The following GAK variants were observed in gnomAD, a reference collection of about 807,000 sequenced individuals.
GAK encodes cyclin-G-associated kinase.
GAK carries 79 observed loss-of-function variants against 143.9 expected under a neutral mutation model. The ratio of observed to expected loss-of-function variants is 0.55; its 90% CI spans 0.46 to 0.66. The LOEUF is 0.66. Ranked by LOEUF, GAK falls within the 30% of genes least tolerant of loss-of-function variation. The probability of loss-of-function intolerance (pLI) is 0.00; values close to 1 mark genes in which losing one functional copy is unlikely to be tolerated. For synonymous variants in GAK, 881 were observed against 765.5 expected (o/e 1.15, Z -2.49); for missense variants, 1,693 against 1,779.7 (o/e 0.95, Z 0.88).
At chr4:909,168 T>C (rs1721593893) in intron 4 of GAK, among the ~76,000 whole-genome samples, 1 of 152,260 alleles carries the variant, frequency 6.6e-6, no homozygotes, top group Non-Finnish European at 1.5e-5. Context: ...TATTTGTATT[T>C]TGTCAATCAG....
chr4:849,835 C>CG, intron 27 of GAK, 57 bp downstream of exon 27: 1 of 183,812 alleles, frequency 5.4e-6, no homozygotes, highest in Non-Finnish European at 7.5e-6. Flanking sequence ...CGGGGCAGGA[C>CG]CCCCCCCCCG....
intron 7 of GAK, among the ~76,000 whole-genome samples, chr4:895,486 C>T (rs1366275019): frequency 6.6e-6 from 1 of 152,218 alleles, no homozygotes; most frequent in Non-Finnish European, 1.5e-5. Context: ...TTCCACACTC[C>T]TCAAGGGACA....
In GAK at chr4:867,046, C is replaced by T. The variant is rs1172784545; in HGVS notation, c.2782G>A (p.Asp928Asn). 20 of 1,518,066 alleles carry T rather than the reference C, an allele frequency of 1.3e-5. No homozygotes were observed. In the Admixed American group the frequency reaches 4.3e-4, roughly 32 times the overall value. The allele number at this position is 1,518,066 out of a possible 1,614,324, so 94.0% of individuals were successfully genotyped here. The change falls in exon 21 of 28, where the codon GAT (aspartate) becomes AAT (asparagine). Residue 928 changes from aspartate to asparagine, a missense_variant. Coordinates refer to ENST00000314167, the MANE Select transcript of GAK (RefSeq NM_005255.4). ...AGCAGCGGGTCCTCGCTGAGCAGAT[C>T]CTCCGGGGGCCCCTGGGAGGCGGCC... ...PEAASQGPPE[D>N]LLSEDPLLLA...
At chr4:912,360 C>T (rs538318394) in intron 3 of GAK, 92 of 366,368 alleles carry the variant, frequency 2.5e-4, no homozygotes, top group Non-Finnish European at 4.7e-4. Flanking sequence ...GAAGCCACAT[C>T]GGGGCCTGTG....
At chr4:851,484 AAAG>A (rs1387473168) in intron 25 of GAK, 9 of 563,388 alleles carry the variant, frequency 1.6e-5, no homozygotes, top group Admixed American at 1.0e-4. Context: ...CCTCCAGAGT[AAAG>A]AAGAGGGAAG....
At chr4:914,943 G>C (rs1722849269) in intron 1 of GAK, among the ~76,000 whole-genome samples, 1 of 88,708 alleles carries the variant, frequency 1.1e-5, no homozygotes, top group Non-Finnish European at 2.1e-5. Flanking sequence ...AACACACACA[G>C]CCCCAGCGTA....
chr4:859,124 G>A (rs1052626214), intron 24 of GAK: 1 of 977,206 alleles, frequency 1.0e-6, no homozygotes, highest in African/African-American at 1.7e-5. Flanking sequence ...TGAAGCCACA[G>A]CGCCCGGGGC....
intron 5 of GAK, among the ~76,000 whole-genome samples, chr4:898,862 CA>C (rs35380272): frequency 0.24 from 34,188 of 143,420 alleles, 4,124 homozygotes; most frequent in East Asian, 0.43. Context: ...GACTCCGACT[CA>C]AAAAAAAAAA....
chr4:866,255 C>T, intron 22 of GAK, 109 bp downstream of exon 22: 1 of 1,166,792 alleles, frequency 8.6e-7, no homozygotes, highest in Non-Finnish European at 1.2e-6. Context: ...GGAGGCCACA[C>T]AGTCCAGCCC....
chr4:908,835 A>G (rs1013965249), intron 4 of GAK, among the ~76,000 whole-genome samples: 1 of 152,302 alleles, frequency 6.6e-6, no homozygotes, highest in Non-Finnish European at 1.5e-5. Flanking sequence ...AAAATTATAT[A>G]AAGTAAAATC....
intron 15 of GAK, 90 bp downstream of exon 15, chr4:881,817 G>A (rs923728795): frequency 2.5e-5 from 35 of 1,406,256 alleles, no homozygotes; most frequent in Admixed American, 1.7e-4. Context: ...CAGCGGCACC[G>A]ACTGGCCCTC....
chr4:865,434 G>A (rs1293959652), intron 22 of GAK, among the ~76,000 whole-genome samples, 190 bp from the exon 23 acceptor site: 6 of 151,912 alleles, frequency 3.9e-5, no homozygotes, highest in Admixed American at 2.0e-4. Context: ...AGAACTGAGC[G>A]AGTGGACGTA....
chr4:914,370 C>CACCCCCAA (rs1560428536), intron 1 of GAK, among the ~76,000 whole-genome samples: 2 of 117,524 alleles, frequency 1.7e-5, no homozygotes. Flanking sequence ...TGCACGGCCC[C>CACCCCCAA]CACACACACA....
rs1450066996 is a variant in GAK, at chr4:912,388, A to G, written c.267+347T>C. ...GGCCTGTGGGAGCCAGGCCATCTGC[A>G]CGGCTCTCAGCCAGGTCTCCGGAGG... On this transcript the variant is annotated intron_variant, in intron 3 of 27. Transcript: ENST00000314167. 4 of 373,748 alleles carry G rather than the reference A, an allele frequency of 1.1e-5. No individual in the cohort carries two copies. The East Asian group carries it at 2.6e-4, about 24-fold the overall frequency. The allele number at this position is 373,748 out of a possible 1,614,324, so 23.2% of individuals were successfully genotyped here.
intron 9 of GAK, 65 bp from the exon 10 acceptor site, chr4:890,687 C>T (rs2306253): frequency 3.0e-5 from 42 of 1,388,088 alleles, no homozygotes; most frequent in Non-Finnish European, 3.7e-5. Context: ...CCACGTCGGG[C>T]AGAGGTACGG....
At position 888,627 on chromosome 4, in the gene GAK, T is replaced by G; in HGVS notation, c.1205+220A>C. 8 of 573,132 alleles carry G rather than the reference T, an allele frequency of 1.4e-5. No homozygotes were observed. In the South Asian group the frequency reaches 1.8e-4, roughly 13 times the overall value. The allele number at this position is 573,132 out of a possible 1,614,324, so 35.5% of individuals were successfully genotyped here. A position where few individuals can be genotyped will look rare whatever the true frequency, so the allele number is the denominator to read the frequency against. On this transcript the variant is annotated intron_variant, in intron 11 of 27. Transcript: ENST00000314167. The stretch of plus-strand genomic sequence containing the variant: ...GCCCAGGCATCTCCTCAGCAGGGCC[T>G]TGCCCCCCAGGCGATGAAAGGAAAG...
intron 4 of GAK, among the ~76,000 whole-genome samples, chr4:907,999 C>T (rs1419244917): frequency 6.6e-6 from 1 of 152,244 alleles, no homozygotes; most frequent in African/African-American, 2.4e-5. Flanking sequence ...GTCCCCGCCG[C>T]TCCCTCGTGC....
In GAK at chr4:864,977, T is replaced by G. The variant is rs527888064; in HGVS notation, c.3166+145A>C. 43 of 1,144,488 alleles carry G rather than the reference T, an allele frequency of 3.8e-5. No homozygotes were observed. In the African/African-American group the frequency reaches 6.1e-4, roughly 16 times the overall value. The allele number at this position is 1,144,488 out of a possible 1,614,324, so 70.9% of individuals were successfully genotyped here. On this transcript the variant is annotated intron_variant, in intron 23 of 27. Coordinates refer to ENST00000314167, the MANE Select transcript of GAK (RefSeq NM_005255.4). ...GCTGCAGTCATACCACAGCCTTGTGTGCGGAGCCCGCACCACCAAGCACGC... is the reference window on the plus strand; with the variant it reads ...GCTGCAGTCATACCACAGCCTTGTGGGCGGAGCCCGCACCACCAAGCACGC...
intron 5 of GAK, among the ~76,000 whole-genome samples, chr4:901,397 A>C (rs975569115): frequency 6.6e-6 from 1 of 152,106 alleles, no homozygotes; most frequent in Admixed American, 6.5e-5. Flanking sequence ...ACACGTGGAG[A>C]GCCACGGCCT....
Sources: gnomAD v4.1 joint callset for allele counts (sites outside exome capture counted in the v4.1 genomes callset) on GRCh38, gnomAD v4.1.1 for gene constraint, MANE v1.5 for transcripts, NCBI Gene and HGNC (gene_info 2026-07-23, HGNC 2026-07-21) for gene names.